Variants in PTPRD observed in about 807,000 individuals in gnomAD.
PTPRD encodes the protein protein tyrosine phosphatase receptor type D, also known as receptor-type tyrosine-protein phosphatase delta.
A neutral mutation model predicts 214.5 loss-of-function variants in PTPRD; 34 were observed. The ratio of observed to expected loss-of-function variants is 0.16; its 90% CI spans 0.12 to 0.21. The LOEUF (loss-of-function observed/expected upper bound fraction) is 0.21, where lower values mean the gene tolerates loss of function less well. Among genes scored for constraint, PTPRD ranks in the 10% least tolerant of loss-of-function variants. The pLI, the probability that PTPRD is intolerant of heterozygous loss-of-function variation, is 1.00. For synonymous variants in PTPRD, 1,128 were observed against 845.7 expected, an observed-to-expected ratio of 1.33 and a Z score of -5.79; for missense variants, 2,545 against 2,398.7, an observed-to-expected ratio of 1.06 and a Z score of -1.27.
intron 5 of PTPRD, among the ~76,000 whole-genome samples, chr9:9,834,372 C>A (rs1241017746): frequency 6.6e-6 from 1 of 152,028 alleles, no homozygotes; most frequent in East Asian, 1.9e-4. Context: ...TGCATAGTGG[C>A]TCTGATTGAC....
chr9:9,798,762 T>C (rs1048157732), intron 5 of PTPRD, among the ~76,000 whole-genome samples: 1 of 152,038 alleles, frequency 6.6e-6, no homozygotes, highest in Non-Finnish European at 1.5e-5. Context: ...GCAGGTAAAA[T>C]GACTGATTTA....
intron 3 of PTPRD, among the ~76,000 whole-genome samples, chr9:10,173,359 A>T (rs1593141205): frequency 6.6e-6 from 1 of 152,190 alleles, no homozygotes. Flanking sequence ...TTACTATTAT[A>T]AAGTACAAAA....
intron 30 of PTPRD, among the ~76,000 whole-genome samples, chr9:8,474,310 T>G (rs2096719322): frequency 6.6e-6 from 1 of 152,146 alleles, no homozygotes; most frequent in East Asian, 1.9e-4. Context: ...AAGATTCTTT[T>G]GCGGGGTTCA....
chr9:10,509,470 C>CATTTATCTATCTATCT (rs2047205152), intron 2 of PTPRD, among the ~76,000 whole-genome samples: 1 of 138,120 alleles, frequency 7.2e-6, no homozygotes, highest in Non-Finnish European at 1.5e-5. Flanking sequence ...TTGATTGATC[C>CATTTATCTATCTATCT]ATCTATCTAT....
chr9:10,132,223 C>G (rs1225004036), intron 3 of PTPRD, among the ~76,000 whole-genome samples: 1 of 152,030 alleles, frequency 6.6e-6, no homozygotes, highest in Admixed American at 6.6e-5. Flanking sequence ...TGATGTGAGA[C>G]TTTCCAGAAA....
chr9:9,335,427 A>G (rs1168040357), intron 9 of PTPRD, among the ~76,000 whole-genome samples: 2 of 152,052 alleles, frequency 1.3e-5, no homozygotes, highest in African/African-American at 4.8e-5. Flanking sequence ...CATAGAAATT[A>G]TTTCTCACTA....
chr9:9,254,707 T>G (rs2099976964), intron 9 of PTPRD, among the ~76,000 whole-genome samples: 1 of 152,084 alleles, frequency 6.6e-6, no homozygotes, highest in South Asian at 2.1e-4. Context: ...CAGATGTTTC[T>G]TGTTGAAGAA....
At chr9:9,098,239 A>T (rs1023100512) in intron 10 of PTPRD, among the ~76,000 whole-genome samples, 1 of 151,626 alleles carries the variant, frequency 6.6e-6, no homozygotes, top group South Asian at 2.1e-4. Context: ...TTTGACTCCT[A>T]TTCTTTTGTC....
At chr9:9,390,991 T>C (rs1343389838) in intron 9 of PTPRD, among the ~76,000 whole-genome samples, 1 of 152,168 alleles carries the variant, frequency 6.6e-6, no homozygotes, top group Non-Finnish European at 1.5e-5. Flanking sequence ...GATATCTTGA[T>C]AAGATAGTTT....
intron 7 of PTPRD, among the ~76,000 whole-genome samples, chr9:9,679,635 C>T (rs932363735): frequency 7.2e-5 from 11 of 151,812 alleles, no homozygotes; most frequent in Non-Finnish European, 1.3e-4. Context: ...AGTCATTAAA[C>T]AAATATAGAC....
At chr9:8,780,448 C>G (rs1212712595) in intron 11 of PTPRD, among the ~76,000 whole-genome samples, 1 of 152,140 alleles carries the variant, frequency 6.6e-6, no homozygotes, top group Admixed American at 6.5e-5. Flanking sequence ...TAATCAGGAG[C>G]CTCCTGAGTG....
chr9:8,767,896 G>C (rs2094886825), intron 11 of PTPRD, among the ~76,000 whole-genome samples: 2 of 152,140 alleles, frequency 1.3e-5, no homozygotes, highest in South Asian at 2.1e-4. Flanking sequence ...GTATGGGAAA[G>C]ATGAAAAAGG....
chr9:8,726,408 G>A (rs375661230), intron 12 of PTPRD, among the ~76,000 whole-genome samples: 4 of 150,518 alleles, frequency 2.7e-5, no homozygotes, highest in South Asian at 4.2e-4. Context: ...GGGCAAGATG[G>A]TAAAACCATC....
intron 11 of PTPRD, among the ~76,000 whole-genome samples, chr9:8,900,913 C>T (rs1039399456): frequency 4.6e-5 from 7 of 152,126 alleles, no homozygotes; most frequent in Non-Finnish European, 5.9e-5. Flanking sequence ...TTATAGAATT[C>T]CATCCAACTT....
At chr9:9,503,399 T>C (rs575571946) in intron 8 of PTPRD, among the ~76,000 whole-genome samples, 2 of 151,806 alleles carry the variant, frequency 1.3e-5, no homozygotes, top group East Asian at 1.9e-4. Flanking sequence ...AGTGTCTTTA[T>C]GAAATAAGAT....
chr9:8,389,795 G>A (rs914570683), intron 36 of PTPRD, among the ~76,000 whole-genome samples: 1 of 152,100 alleles, frequency 6.6e-6, no homozygotes, highest in Admixed American at 6.6e-5. Context: ...GAATGCCTGA[G>A]TCTGAAAATA....
intron 5 of PTPRD, among the ~76,000 whole-genome samples, chr9:9,825,569 G>C (rs2052524502): frequency 6.6e-6 from 1 of 151,904 alleles, no homozygotes; most frequent in African/African-American, 2.4e-5. Context: ...CCATTACTTA[G>C]CTTTATTTCT....
intron 2 of PTPRD, among the ~76,000 whole-genome samples, chr9:10,347,235 A>G (rs982738881): frequency 1.6e-4 from 25 of 151,848 alleles, no homozygotes; most frequent in Non-Finnish European, 7.4e-5. Context: ...TGCCTCTATG[A>G]GCATATTTTG....
chr9:8,686,152 A>G (rs190323561), intron 12 of PTPRD, among the ~76,000 whole-genome samples: 2 of 152,336 alleles, frequency 1.3e-5, no homozygotes, highest in East Asian at 3.9e-4. Flanking sequence ...ATATGACTCA[A>G]TTTCATCTTT....
Sources: gnomAD v4.1 joint callset for allele counts (sites outside exome capture counted in the v4.1 genomes callset) on GRCh38, gnomAD v4.1.1 for gene constraint, MANE v1.5 for transcripts, NCBI Gene and HGNC (gene_info 2026-07-23, HGNC 2026-07-21) for gene names.